The following ARHGEF7 variants were observed in gnomAD, a reference collection of about 807,000 sequenced individuals.
ARHGEF7 encodes the protein Rho guanine nucleotide exchange factor 7, also known as PAK-interacting exchange factor beta.
A neutral mutation model predicts 109.8 loss-of-function variants in ARHGEF7; 33 were observed. The observed-to-expected ratio is 0.30, with a 90% CI of 0.23 to 0.40. The LOEUF is 0.40. ARHGEF7 is among the 10% of genes least tolerant of loss of function. The pLI, the probability that ARHGEF7 is intolerant of heterozygous loss-of-function variation, is 1.00. For synonymous variants in ARHGEF7, 458 were observed against 424.6 expected, an observed-to-expected ratio of 1.08 and a Z score of -0.97; for missense variants, 938 against 1,098.5, an observed-to-expected ratio of 0.85 and a Z score of 2.07.
chr13:111,257,446 T>A (rs2090563584), intron 8 of ARHGEF7, among the ~76,000 whole-genome samples: 1 of 152,274 alleles, frequency 6.6e-6, no homozygotes, highest in Non-Finnish European at 1.5e-5. Context: ...ATGTAATTGT[T>A]ATAATAGTTA....
chr13:111,147,899 G>A (rs1434673584), intron 1 of ARHGEF7, among the ~76,000 whole-genome samples: 2 of 151,654 alleles, frequency 1.3e-5, no homozygotes, highest in African/African-American at 2.4e-5. Flanking sequence ...GGGTTTCACC[G>A]TTTTAGCCGG....
chr13:111,205,468 T>G (rs2081708203), intron 3 of ARHGEF7, 95 bp downstream of exon 3: 1 of 778,994 alleles, frequency 1.3e-6, no homozygotes, highest in Non-Finnish European at 2.0e-6. Context: ...GGAGCATTAC[T>G]GAATTTAAAA....
intron 1 of ARHGEF7, among the ~76,000 whole-genome samples, chr13:111,148,738 T>C (rs866201618): frequency 1.3e-5 from 2 of 152,228 alleles, no homozygotes; most frequent in South Asian, 4.1e-4. Flanking sequence ...GAAATATTGA[T>C]GGTATTAAGA....
Position 111,266,127 on chromosome 13 carries a change from T to C in ARHGEF7, c.951-1421T>C, listed in dbSNP as rs1367459934. Among the ~76,000 whole-genome samples the C allele has an allele frequency of 6.6e-6, 1 of 152,184 alleles. No homozygotes were observed. Among genetic ancestry groups the C allele is most frequent in the Non-Finnish European group, 1.5e-5 (1 of 68,036 alleles). On this transcript the variant is annotated intron_variant, in intron 8 of 21. Coordinates refer to ENST00000646102, the MANE Select transcript of ARHGEF7 (RefSeq NM_001354046.2). The surrounding 1 kb of genome is among the most constrained non-coding windows in gnomAD (Gnocchi z 4.8). The stretch of plus-strand genomic sequence containing the variant: ...CTCTGGGAACTTCCCGAGGAGCAAG[T>C]GCATGCCAGGCAGTTAATCCATGTG...
intron 2 of ARHGEF7, 30 bp downstream of exon 2, chr13:111,154,021 G>A: frequency 6.3e-7 from 1 of 1,585,498 alleles, no homozygotes. Flanking sequence ...GGCCGAGGGA[G>A]GGGCCGGGAA....
intron 1 of ARHGEF7, among the ~76,000 whole-genome samples, chr13:111,120,458 CACAT>C (rs945075509): frequency 1.4e-4 from 19 of 139,170 alleles, no homozygotes; most frequent in African/African-American, 3.9e-4. Flanking sequence ...CATACGTAAA[CACAT>C]GCATGTAAAT....
Position 111,273,084 on chromosome 13 carries a change from C to T in ARHGEF7, c.1074-730C>T, listed in dbSNP as rs2092272121. Among the ~76,000 whole-genome samples the T allele has an allele frequency of 6.6e-6, 1 of 152,212 alleles. No homozygotes were observed. The highest frequency in any genetic ancestry group is 2.4e-5 in the African/African-American group (1 of 41,454). ...TTTAATTTTGGGATATGCACTGTTT[C>T]TATGTCCATACACAGGGACACCTTC... On this transcript the variant is annotated intron_variant, in intron 9 of 21. Transcript: ENST00000646102. The surrounding 1 kb of genome is among the most constrained non-coding windows in gnomAD (Gnocchi z 4.5).
chr13:111,135,997 T>C (rs889966900), intron 1 of ARHGEF7, among the ~76,000 whole-genome samples: 2 of 152,360 alleles, frequency 1.3e-5, no homozygotes, highest in Admixed American at 6.5e-5. Context: ...TGAGAGTTTT[T>C]AGCATGAAGG....
rs989639055 is a variant in ARHGEF7 at position 111,294,314 on chromosome 13, A to C, written c.2311+2020A>C. On this transcript the variant is annotated intron_variant, in intron 19 of 21. Coordinates refer to ENST00000646102, the MANE Select transcript of ARHGEF7 (RefSeq NM_001354046.2). ...GAGACTACTCATTAGCGCACTGGCT[A>C]AGCTGCCTTTGCCTTCTCGTAGGCG... 4 of 985,366 alleles carry C rather than the reference A, an allele frequency of 4.1e-6. No individual in the cohort carries two copies. The African/African-American group carries it at 5.2e-5, about 13-fold the overall frequency. 61.0% of individuals were successfully genotyped at this position (985,366 alleles called of 1,614,324 possible).
At chr13:111,221,870 C>A (rs1196943770) in intron 5 of ARHGEF7, among the ~76,000 whole-genome samples, 2 of 151,950 alleles carry the variant, frequency 1.3e-5, no homozygotes, top group Non-Finnish European at 2.9e-5. Flanking sequence ...CCACGATAGG[C>A]CATCTACAGG....
intron 1 of ARHGEF7, among the ~76,000 whole-genome samples, chr13:111,124,714 C>T (rs1346566332): frequency 1.3e-5 from 2 of 152,196 alleles, no homozygotes; most frequent in African/African-American, 4.8e-5. Context: ...CGTCTGCTCC[C>T]TGCCTTCATA....
chr13:111,223,115 T>C (rs1012526084), intron 5 of ARHGEF7, among the ~76,000 whole-genome samples: 4 of 152,218 alleles, frequency 2.6e-5, no homozygotes, highest in Non-Finnish European at 4.4e-5. Flanking sequence ...TACAGAGATA[T>C]AGCTGCAGTT....
intron 2 of ARHGEF7, 76 bp downstream of exon 2, chr13:111,154,067 G>C: frequency 1.4e-6 from 2 of 1,403,816 alleles, no homozygotes; most frequent in African/African-American, 1.5e-5. Flanking sequence ...CTTCGCTCCA[G>C]CCGGACCTCC....
At chr13:111,264,980 T>C (rs115737531) in intron 8 of ARHGEF7, among the ~76,000 whole-genome samples, 3,401 of 152,126 alleles carry the variant, frequency 0.022, 129 homozygotes, top group African/African-American at 0.078. Flanking sequence ...AAGGCCCAGC[T>C]GGGCATGGTG....
At chr13:111,278,768 C>T (rs553342678) in intron 13 of ARHGEF7, among the ~76,000 whole-genome samples, 121 of 152,310 alleles carry the variant, frequency 7.9e-4, no homozygotes, top group Non-Finnish European at 1.4e-3. Flanking sequence ...ATCTGGCTTC[C>T]GATTTTATAT....
In ARHGEF7 at chr13:111,266,686, T is replaced by G. The variant is rs2091672026; in HGVS notation, c.951-862T>G. On this transcript the variant is annotated intron_variant, in intron 8 of 21. Transcript: ENST00000646102. The surrounding 1 kb of genome is among the most constrained non-coding windows in gnomAD (Gnocchi z 4.8). ...CTGTAGGAATCCCTGGTGTTCATGT[T>G]TTTGGTCACTTTTTCTCTGGCTCCC... The G allele has an allele frequency of 2.5e-6, 1 of 397,682 alleles. No homozygotes were observed. Among genetic ancestry groups the G allele is most frequent in the African/African-American group, 2.1e-5 (1 of 48,670 alleles). The allele number at this position is 397,682 out of a possible 1,614,324, so 24.6% of individuals were successfully genotyped here.
chr13:111,177,174 C>T (rs1344425985), intron 2 of ARHGEF7, among the ~76,000 whole-genome samples: 5 of 152,212 alleles, frequency 3.3e-5, no homozygotes, highest in South Asian at 2.1e-4. Flanking sequence ...CATCGCTTTG[C>T]GGGAGAAACG....
At chr13:111,121,016 C>A (rs920808795) in intron 1 of ARHGEF7, among the ~76,000 whole-genome samples, 23 of 152,284 alleles carry the variant, frequency 1.5e-4, no homozygotes, top group African/African-American at 4.8e-4. Context: ...GGAAAGGAGA[C>A]GGAGGCAGCA....
At chr13:111,116,564 G>A (rs2066800239) in intron 1 of ARHGEF7, 1 of 148,276 alleles carries the variant, frequency 6.7e-6, no homozygotes, top group African/African-American at 2.5e-5. Context: ...TCTTCGGGGG[G>A]TGGGGTGGGG....
Sources: allele counts gnomAD v4.1 joint callset (sites outside exome capture counted in the v4.1 genomes callset), GRCh38; gene constraint gnomAD v4.1.1; non-coding constraint Gnocchi (gnomAD v3.1); transcripts MANE v1.5; gene names NCBI Gene and HGNC (gene_info 2026-07-23, HGNC 2026-07-21).